Variants in FAM13B observed in about 807,000 individuals in gnomAD.
FAM13B encodes protein FAM13B.
A neutral mutation model predicts 117.3 loss-of-function variants in FAM13B; 60 were observed. That is an observed-to-expected ratio of 0.51 (90% CI 0.42 to 0.63). The LOEUF is 0.63. FAM13B is among the 30% of genes least tolerant of loss of function. FAM13B has a pLI of 0.00. For synonymous variants in FAM13B, 332 were observed against 356.1 expected, an observed-to-expected ratio of 0.93 and a Z score of 0.76; for missense variants, 972 against 1,091.9, an observed-to-expected ratio of 0.89 and a Z score of 1.55.
intron 10 of FAM13B, among the ~76,000 whole-genome samples, chr5:137,970,330 T>G (rs1771693603): frequency 6.6e-6 from 1 of 152,076 alleles, no homozygotes; most frequent in Admixed American, 6.5e-5. Context: ...AAAAGAATTT[T>G]CAACCCAGAA....
intron 7 of FAM13B, among the ~76,000 whole-genome samples, chr5:138,004,444 G>C (rs1043906539): frequency 6.6e-6 from 1 of 152,234 alleles, no homozygotes. Flanking sequence ...GAATTCACTT[G>C]TCTAAATCAG....
chr5:137,961,534 A>G (rs1250238171), intron 11 of FAM13B, among the ~76,000 whole-genome samples: 1 of 152,154 alleles, frequency 6.6e-6, no homozygotes, highest in Non-Finnish European at 1.5e-5. Context: ...AAATCTGTGG[A>G]CCTTCAGAGT....
intron 1 of FAM13B, among the ~76,000 whole-genome samples, chr5:138,029,934 T>C (rs1226622594): frequency 6.6e-6 from 1 of 152,210 alleles, no homozygotes. Flanking sequence ...ACATTATATA[T>C]ACAAGGAAAA....
chr5:137,996,620 TCTCACCCTGTCGC>T (rs900322791), intron 7 of FAM13B, among the ~76,000 whole-genome samples: 5 of 151,430 alleles, frequency 3.3e-5, no homozygotes, highest in African/African-American at 4.9e-5. Flanking sequence ...GGAGATGGAG[TCTCACCCTGTCGC>T]CCAGACTGGA....
chr5:138,001,091 C>T (rs919503060), intron 7 of FAM13B, among the ~76,000 whole-genome samples: 1 of 152,026 alleles, frequency 6.6e-6, no homozygotes, highest in Non-Finnish European at 1.5e-5. Context: ...TCCTCAATAA[C>T]TTTTTATAAG....
At chr5:137,997,172 A>T (rs1208419223) in intron 7 of FAM13B, among the ~76,000 whole-genome samples, 1 of 152,168 alleles carries the variant, frequency 6.6e-6, no homozygotes, top group East Asian at 1.9e-4. Context: ...GTACATTTAA[A>T]TATAAAGCTA....
chr5:138,004,524 T>G (rs1272779565), intron 7 of FAM13B, among the ~76,000 whole-genome samples: 2 of 152,220 alleles, frequency 1.3e-5, no homozygotes, highest in African/African-American at 2.4e-5. Context: ...GATAGTCACT[T>G]GCCACACGTG....
rs866658797 is a variant in FAM13B at position 137,985,478 on chromosome 5, G to A, written c.1047-89C>T. 92 of 1,283,492 alleles carry A rather than the reference G, an allele frequency of 7.2e-5. 1 individual carries two copies. The Middle Eastern group carries it at 7.9e-4, about 11-fold the overall frequency. The allele number at this position is 1,283,492 out of a possible 1,614,324, so 79.5% of individuals were successfully genotyped here. A position where few individuals can be genotyped will look rare whatever the true frequency, so the allele number is the denominator to read the frequency against. On this transcript the variant is annotated intron_variant, in intron 9 of 23. Coordinates refer to ENST00000689681, the MANE Select transcript of FAM13B (RefSeq NM_001385994.1). ...AATAAGTAAATATCAATAATGATCT[G>A]AAACTTTTACTTGTTAAAGAAAATG...
intron 4 of FAM13B, among the ~76,000 whole-genome samples, chr5:138,016,038 CA>C (rs1387514479): frequency 6.6e-6 from 1 of 152,184 alleles, no homozygotes; most frequent in Non-Finnish European, 1.5e-5. Context: ...CAAATTTTTG[CA>C]TATCTTAAAT....
chr5:138,021,017 T>C lies in FAM13B; in HGVS notation c.-36+14A>G, dbSNP rs1786593933. On this transcript the variant is annotated intron_variant, in intron 2 of 23. Coordinates refer to ENST00000689681, the MANE Select transcript of FAM13B (RefSeq NM_001385994.1). ...TTTATAGAGCACGAGATAGTTACCA[T>C]TTTGAAAACTTACCTTTCAGTACTT... The C allele has an allele frequency of 2.4e-6, 3 of 1,230,346 alleles. No homozygotes were observed. In the African/African-American group the frequency reaches 4.7e-5, roughly 19 times the overall value. 76.2% of individuals were successfully genotyped at this position (1,230,346 alleles called of 1,614,324 possible). A position where few individuals can be genotyped will look rare whatever the true frequency, so the allele number is the denominator to read the frequency against.
chr5:137,956,040 T>C (rs2150246039), intron 14 of FAM13B, among the ~76,000 whole-genome samples: 1 of 152,310 alleles, frequency 6.6e-6, no homozygotes, highest in East Asian at 1.9e-4. Context: ...AGAGTGATGT[T>C]TTCTTTTTCC....
chr5:137,944,186 T>C (rs962259901), intron 20 of FAM13B, among the ~76,000 whole-genome samples: 3 of 152,234 alleles, frequency 2.0e-5, no homozygotes, highest in African/African-American at 7.2e-5. Context: ...TGTTGTGGCA[T>C]CTATTATTAT....
intron 1 of FAM13B, among the ~76,000 whole-genome samples, chr5:138,026,938 CAAATAAAT>C (rs36001323): frequency 0.043 from 5,876 of 137,368 alleles, 226 homozygotes; most frequent in African/African-American, 0.1. Flanking sequence ...GACTCCATCT[CAAATAAAT>C]AAATAAATAA....
At chr5:138,033,986 A>C (rs1419592557), upstream of FAM13B, 1 of 152,240 alleles carries the variant, frequency 6.6e-6, no homozygotes, top group Admixed American at 6.5e-5. Flanking sequence ...CAAGATTTGA[A>C]AAAAATAAAG....
At chr5:138,002,131 C>A (rs182547330) in intron 7 of FAM13B, among the ~76,000 whole-genome samples, 1 of 152,240 alleles carries the variant, frequency 6.6e-6, no homozygotes, top group South Asian at 2.1e-4. Context: ...AAACAACAGA[C>A]ATGTTATACT....
chr5:137,980,382 A>G (rs1258802171), intron 10 of FAM13B, among the ~76,000 whole-genome samples: 1 of 152,002 alleles, frequency 6.6e-6, no homozygotes, highest in Non-Finnish European at 1.5e-5. Flanking sequence ...TTTCCTAAAA[A>G]CAATTTTAGA....
intron 13 of FAM13B, 82 bp downstream of exon 13, chr5:137,959,534 G>A: frequency 7.1e-7 from 1 of 1,401,730 alleles, no homozygotes; most frequent in Non-Finnish European, 1.0e-6. Flanking sequence ...ATCCAGAAAA[G>A]GGCTGTAGTC....
chr5:138,023,496 A>C (rs1399367016), intron 1 of FAM13B, among the ~76,000 whole-genome samples: 1 of 152,178 alleles, frequency 6.6e-6, no homozygotes, highest in Non-Finnish European at 1.5e-5. Flanking sequence ...AAAGTCCTTG[A>C]GCTCTTAATC....
At chr5:137,979,268 C>T (rs1774943795) in intron 10 of FAM13B, among the ~76,000 whole-genome samples, 1 of 152,124 alleles carries the variant, frequency 6.6e-6, no homozygotes, top group Non-Finnish European at 1.5e-5. Context: ...CCACCTTGGC[C>T]TCCCAAAGTG....
Sources: allele counts gnomAD v4.1 joint callset (sites outside exome capture counted in the v4.1 genomes callset), GRCh38; gene constraint gnomAD v4.1.1; transcripts MANE v1.5; gene names NCBI Gene and HGNC (gene_info 2026-07-23, HGNC 2026-07-21).